Variants in HGSNAT observed in about 807,000 individuals in gnomAD.
HGSNAT encodes transmembrane protein 76.
In HGSNAT, 59 loss-of-function variants were observed where a neutral mutation model predicts 85.2. That is an observed-to-expected ratio of 0.69 (90% CI 0.56 to 0.86). HGSNAT has a LOEUF of 0.86. HGSNAT is among the 40% of genes least tolerant of loss of function. HGSNAT has a pLI of 0.00. For synonymous variants in HGSNAT, 321 were observed against 304.5 expected, an observed-to-expected ratio of 1.05 and a Z score of -0.56; for missense variants, 756 against 777.1, an observed-to-expected ratio of 0.97 and a Z score of 0.32.
intron 1 of HGSNAT, among the ~76,000 whole-genome samples, chr8:43,140,874 G>A (rs1563350040): frequency 6.6e-6 from 1 of 152,306 alleles, no homozygotes; most frequent in South Asian, 2.1e-4. Flanking sequence ...CGCCCAGGCG[G>A]CGCCCACCCC....
At chr8:43,185,636 T>C (rs1804281431) in intron 11 of HGSNAT, among the ~76,000 whole-genome samples, 1 of 152,216 alleles carries the variant, frequency 6.6e-6, no homozygotes, top group African/African-American at 2.4e-5. Context: ...TATTTCTTTC[T>C]CCTGCCTGAT....
chr8:43,141,604 T>C (rs1802547877), intron 1 of HGSNAT, among the ~76,000 whole-genome samples: 1 of 152,072 alleles, frequency 6.6e-6, no homozygotes, highest in Admixed American at 6.5e-5. Flanking sequence ...CTTTCCCCTC[T>C]CGCGCCCTTT....
At chr8:43,174,052 C>A in intron 9 of HGSNAT, 1 of 197,262 alleles carries the variant, frequency 5.1e-6, no homozygotes, top group Non-Finnish European at 1.0e-5. Flanking sequence ...TCTGTCTCTA[C>A]TAAAAATACA....
intron 2 of HGSNAT, among the ~76,000 whole-genome samples, chr8:43,148,841 G>A (rs1586700386): frequency 6.6e-6 from 1 of 150,954 alleles, no homozygotes; most frequent in South Asian, 2.1e-4. Context: ...AAGACAGGCC[G>A]TGCACGGTGG....
intron 10 of HGSNAT, among the ~76,000 whole-genome samples, chr8:43,179,362 G>A (rs1803947699): frequency 1.4e-5 from 2 of 141,458 alleles, no homozygotes; most frequent in African/African-American, 2.7e-5. Flanking sequence ...TGGCTGGGCG[G>A]GGGGCTGTCC....
In HGSNAT at chr8:43,197,930, A is replaced by G. The variant is rs1804781951; in HGVS notation, c.1704A>G (p.Thr568=). The change falls in exon 17 of 18, where the codon ACA becomes ACG. Residue 568 remains threonine (T), a synonymous_variant. Transcript: ENST00000379644. ...TTGTGGATGTGAAGGGGCTGTGGAC[A>G]GGAACCCCATTCTTTTATCCAGGTA... ...YPVVDVKGLW[T]GTPFFYPGMN... The G allele has an allele frequency of 1.2e-6, 2 of 1,613,544 alleles. No individual in the cohort carries two copies. The highest frequency in any genetic ancestry group is 1.7e-6 in the Non-Finnish European group (2 of 1,179,568).
At chr8:43,171,279 C>T (rs1803618199) in intron 7 of HGSNAT, among the ~76,000 whole-genome samples, 1 of 152,140 alleles carries the variant, frequency 6.6e-6, no homozygotes, top group South Asian at 2.1e-4. Flanking sequence ...AGTGACAACC[C>T]TATAACTTTG....
At chr8:43,196,637 C>A in intron 14 of HGSNAT, 1 of 806,824 alleles carries the variant, frequency 1.2e-6, no homozygotes, top group Non-Finnish European at 1.9e-6. Flanking sequence ...GAGCTCTGTG[C>A]CTGCTGCCCC....
chr8:43,175,568 T>C (rs1803781064), intron 9 of HGSNAT, among the ~76,000 whole-genome samples: 1 of 145,606 alleles, frequency 6.9e-6, no homozygotes, highest in Non-Finnish European at 1.5e-5. Context: ...TTTTTTTTTT[T>C]TTTTTTTTTT....
chr8:43,173,037 T>G (rs182985132), intron 8 of HGSNAT, among the ~76,000 whole-genome samples: 165 of 152,326 alleles, frequency 1.1e-3, no homozygotes, highest in Non-Finnish European at 2.0e-3. Flanking sequence ...CAGGCTAGAT[T>G]GCAGTGGTGT....
At chr8:43,155,938 T>A (rs1803078746) in intron 2 of HGSNAT, among the ~76,000 whole-genome samples, 1 of 152,172 alleles carries the variant, frequency 6.6e-6, no homozygotes. Flanking sequence ...TCTTCCGGGT[T>A]CAAGTGATTC....
chr8:43,175,260 T>A (rs1803768490), intron 9 of HGSNAT, among the ~76,000 whole-genome samples: 1 of 152,184 alleles, frequency 6.6e-6, no homozygotes, highest in African/African-American at 2.4e-5. Flanking sequence ...GATTGCTGGA[T>A]CATATGGTAC....
chr8:43,159,126 G>A, intron 4 of HGSNAT, 82 bp downstream of exon 4: 3 of 1,416,250 alleles, frequency 2.1e-6, no homozygotes, highest in Non-Finnish European at 2.9e-6. Flanking sequence ...AAGCAAAGCA[G>A]TCCATGACGC....
At chr8:43,161,585 C>A in intron 5 of HGSNAT, 78 bp downstream of exon 5, 1 of 1,058,064 alleles carries the variant, frequency 9.5e-7, no homozygotes. Flanking sequence ...CTGTCACCCT[C>A]AAGTGGCCAT....
Position 43,197,656 on chromosome 8 carries a change from C to A in HGSNAT, c.1543-16C>A. On this transcript the variant is annotated splice_polypyrimidine_tract_variant and intron_variant, in intron 15 of 17. Transcript: ENST00000379644. ...AATAATATAAAATGTTAACATCCTT[C>A]TCTTCCCCATTACAGGGGCTCATTT... is the stretch of plus-strand genomic sequence containing the variant. 6.3e-7 allele frequency: 1 copy of A among 1,588,874 alleles called. No homozygotes were observed. The highest frequency in any genetic ancestry group is 8.6e-7 in the Non-Finnish European group (1 of 1,157,270).
At position 43,161,501 on chromosome 8, in the gene HGSNAT, T is replaced by G; in HGVS notation, c.557T>G (p.Leu186Trp). The G allele has an allele frequency of 6.2e-7, 1 of 1,606,558 alleles. No homozygotes were observed. The highest frequency in any genetic ancestry group is 8.5e-7 in the Non-Finnish European group (1 of 1,176,476). ...VIIVISFLRL[L>W]LSLDDFNNWI... Reference sequence around the variant, plus strand: ...ATTGTGATATCCTTTCTGAGGCTCTTGTTGAGGTAAGATATTTGGGGAGGA... The same window carrying G: ...ATTGTGATATCCTTTCTGAGGCTCTGGTTGAGGTAAGATATTTGGGGAGGA... The change falls in exon 5 of 18, where the codon TTG (leucine) becomes TGG (tryptophan). Residue 186 changes from leucine to tryptophan, a missense_variant. Physicochemically the swap from Leu to Trp is moderately conservative, Grantham distance 61 (BLOSUM62 -2). Transcript: ENST00000379644.
intron 5 of HGSNAT, among the ~76,000 whole-genome samples, chr8:43,162,866 G>A (rs1803310954): frequency 6.6e-6 from 1 of 152,050 alleles, no homozygotes; most frequent in African/African-American, 2.4e-5. Context: ...CACCACACCT[G>A]GTCATATTAC....
chr8:43,184,265 G>A (rs1242303978), intron 11 of HGSNAT, among the ~76,000 whole-genome samples: 3 of 152,152 alleles, frequency 2.0e-5, no homozygotes, highest in Admixed American at 6.5e-5. Context: ...GTGTAAAAGT[G>A]TTCCTATTTC....
intron 9 of HGSNAT, among the ~76,000 whole-genome samples, chr8:43,175,271 C>G (rs984040603): frequency 2.6e-5 from 4 of 152,086 alleles, no homozygotes; most frequent in Non-Finnish European, 5.9e-5. Flanking sequence ...CATATGGTAC[C>G]TCTACTTTTA....
Sources: gnomAD v4.1 joint callset for allele counts (sites outside exome capture counted in the v4.1 genomes callset) on GRCh38, gnomAD v4.1.1 for gene constraint, MANE v1.5 for transcripts, NCBI Gene and HGNC (gene_info 2026-07-23, HGNC 2026-07-21) for gene names.